The following DPP10 variants were observed in gnomAD, a reference collection of about 807,000 sequenced individuals.
The protein encoded by DPP10 is inactive dipeptidyl peptidase 10.
In DPP10, 33 loss-of-function variants were observed where a neutral mutation model predicts 120.9. That is an observed-to-expected ratio of 0.27 (90% CI 0.21 to 0.37). The LOEUF (loss-of-function observed/expected upper bound fraction) is 0.37, where lower values mean the gene tolerates loss of function less well. Among genes scored for constraint, DPP10 ranks in the 10% least tolerant of loss-of-function variants. The probability of loss-of-function intolerance (pLI) is 1.00; values close to 1 mark genes in which losing one functional copy is unlikely to be tolerated. For missense variants in DPP10, 816 were observed against 942.8 expected, an observed-to-expected ratio of 0.87 and a Z score of 1.76; for synonymous variants, 337 against 326.1, an observed-to-expected ratio of 1.03 and a Z score of -0.36.
intron 1 of DPP10, among the ~76,000 whole-genome samples, chr2:114,680,589 A>G (rs1473458190): frequency 6.6e-6 from 1 of 152,078 alleles, no homozygotes; most frequent in African/African-American, 2.4e-5. Context: ...ACGTGTTAAA[A>G]GGTTAGTACA....
At chr2:115,098,326 T>C (rs191041259) in intron 1 of DPP10, among the ~76,000 whole-genome samples, 3 of 152,314 alleles carry the variant, frequency 2.0e-5, no homozygotes, top group Admixed American at 2.0e-4. Flanking sequence ...ATTCAGATAC[T>C]TGTGATTCAT....
intron 1 of DPP10, among the ~76,000 whole-genome samples, chr2:114,800,352 A>G (rs2106276837): frequency 6.6e-6 from 1 of 152,374 alleles, no homozygotes; most frequent in African/African-American, 2.4e-5. Flanking sequence ...ATTACTTTTT[A>G]TACATTCCAG....
chr2:114,681,156 A>G (rs1699001609), intron 1 of DPP10, among the ~76,000 whole-genome samples: 1 of 151,972 alleles, frequency 6.6e-6, no homozygotes, highest in Non-Finnish European at 1.5e-5. Context: ...TCAATGTTCA[A>G]TCATATTAGC....
intron 1 of DPP10, among the ~76,000 whole-genome samples, chr2:114,913,120 A>G (rs534182012): frequency 2.0e-5 from 3 of 152,256 alleles, no homozygotes; most frequent in African/African-American, 7.2e-5. Flanking sequence ...CCAAGCCAAG[A>G]TGCTTACCGG....
chr2:115,081,058 A>G (rs1454491708), intron 1 of DPP10, among the ~76,000 whole-genome samples: 1 of 151,994 alleles, frequency 6.6e-6, no homozygotes, highest in Non-Finnish European at 1.5e-5. Context: ...TTTTTTTCTC[A>G]GTCTTTTTTT....
intron 1 of DPP10, among the ~76,000 whole-genome samples, chr2:114,765,494 T>G (rs958874144): frequency 6.6e-6 from 1 of 152,142 alleles, no homozygotes; most frequent in Non-Finnish European, 1.5e-5. Flanking sequence ...ATACGAGAGA[T>G]GGAGCCACGA....
intron 1 of DPP10, among the ~76,000 whole-genome samples, chr2:114,692,430 G>C (rs1699816444): frequency 6.6e-6 from 1 of 152,024 alleles, no homozygotes; most frequent in South Asian, 2.1e-4. Context: ...TAATTTGGTT[G>C]TGCTGCTGTC....
chr2:115,409,459 C>T (rs554133985), intron 3 of DPP10, among the ~76,000 whole-genome samples: 11 of 152,146 alleles, frequency 7.2e-5, no homozygotes, highest in East Asian at 5.8e-4. Flanking sequence ...AAACCACATG[C>T]GATACCAACT....
rs144414504 is a variant in DPP10, at chr2:115,582,713, T to A, written c.441+56741T>A. Among the ~76,000 whole-genome samples the A allele has an allele frequency of 3.9e-5, 6 of 152,330 alleles. No individual in the cohort carries two copies. The East Asian group carries it at 1.2e-3, about 29-fold the overall frequency. On this transcript the variant is annotated intron_variant, in intron 5 of 25. Transcript: ENST00000410059. ...TCACATCTCTTAAGAGCAACAGCCG[T>A]ATGTAACTTTTATTATTAATAACCC...
chr2:114,812,583 GAC>G (rs3036385), intron 1 of DPP10, among the ~76,000 whole-genome samples: 2,235 of 134,076 alleles, frequency 0.017, 34 homozygotes, highest in African/African-American at 0.043. Flanking sequence ...GTGAGACATT[GAC>G]ACACACACAC....
chr2:115,434,837 A>G (rs552867880), intron 3 of DPP10, among the ~76,000 whole-genome samples: 48 of 151,600 alleles, frequency 3.2e-4, no homozygotes, highest in Non-Finnish European at 5.9e-4. Context: ...TCCCTCCCCA[A>G]TACCCTTCCC....
At position 114,524,337 on chromosome 2, in the gene DPP10, C is replaced by T. The variant is rs545186301; in HGVS notation, c.60+81499C>T. ...CTAATCTTAGTAGTTATTAAAGCAA[C>T]CTCCCAGATAACGCAGGATCCCATA... On this transcript the variant is annotated intron_variant, in intron 1 of 25. Transcript: ENST00000410059. 5.3e-5 allele frequency among the ~76,000 whole-genome samples: 8 copies of T among 152,270 alleles called. No individual in the cohort carries two copies. The South Asian group carries it at 1.5e-3, about 28-fold the overall frequency.
chr2:114,677,518 C>T (rs1250463759), intron 1 of DPP10, among the ~76,000 whole-genome samples: 3 of 152,038 alleles, frequency 2.0e-5, no homozygotes, highest in Non-Finnish European at 4.4e-5. Flanking sequence ...GTTGTGCTAG[C>T]CACTTCACAC....
intron 1 of DPP10, among the ~76,000 whole-genome samples, chr2:114,489,979 A>G (rs1412881204): frequency 3.3e-5 from 5 of 152,222 alleles, no homozygotes; most frequent in Admixed American, 2.0e-4. Context: ...AATACAGTGA[A>G]AGCTCAATAG....
At chr2:114,566,171 C>T (rs1186569013) in intron 1 of DPP10, among the ~76,000 whole-genome samples, 2 of 152,034 alleles carry the variant, frequency 1.3e-5, no homozygotes, top group African/African-American at 4.8e-5. Flanking sequence ...CTTTAGATAG[C>T]CTGCTTGGGA....
chr2:115,558,995 G>A (rs1000986367), intron 5 of DPP10, among the ~76,000 whole-genome samples: 12 of 152,268 alleles, frequency 7.9e-5, no homozygotes, highest in African/African-American at 2.9e-4. Flanking sequence ...AAGCTTTCCA[G>A]GTCAAGTAGG....
intron 1 of DPP10, among the ~76,000 whole-genome samples, chr2:115,035,701 C>G (rs1275847145): frequency 6.6e-6 from 1 of 152,134 alleles, no homozygotes; most frequent in Non-Finnish European, 1.5e-5. Flanking sequence ...ATTCTCTAAA[C>G]CATTCAGTGT....
intron 1 of DPP10, among the ~76,000 whole-genome samples, chr2:114,519,938 G>A (rs1207387725): frequency 6.6e-6 from 1 of 152,176 alleles, no homozygotes. Flanking sequence ...CGATGGGGTT[G>A]TTATAAAGAT....
At chr2:115,455,207 C>T (rs1175905336) in intron 3 of DPP10, among the ~76,000 whole-genome samples, 1 of 151,748 alleles carries the variant, frequency 6.6e-6, no homozygotes, top group African/African-American at 2.4e-5. Flanking sequence ...TGTAAGTCTC[C>T]ATACTGTGAA....
Sources: gnomAD v4.1 joint callset for allele counts (sites outside exome capture counted in the v4.1 genomes callset) on GRCh38, gnomAD v4.1.1 for gene constraint, MANE v1.5 for transcripts, NCBI Gene and HGNC (gene_info 2026-07-23, HGNC 2026-07-21) for gene names.